Variants in C10orf105 observed in about 807,000 individuals in gnomAD.
C10orf105 encodes uncharacterized protein C10orf105.
In C10orf105, 2 loss-of-function variants were observed where a neutral mutation model predicts 0.6. The ratio of observed to expected loss-of-function variants is 3.18; its 90% CI spans 1.30 to 10.01. The LOEUF is 10.01. C10orf105 is among the 30% of genes most tolerant of loss of function. The probability of loss-of-function intolerance (pLI) is 0.04; values close to 1 mark genes in which losing one functional copy is unlikely to be tolerated. For missense variants in C10orf105, 209 were observed against 191.4 expected, an observed-to-expected ratio of 1.09 and a Z score of -0.54; for synonymous variants, 95 against 82.4, an observed-to-expected ratio of 1.15 and a Z score of -0.83.
At chr10:71,732,144 C>T (rs1244281497) in intron 1 of C10orf105, 1 of 1,613,940 alleles carries the variant, frequency 6.2e-7, no homozygotes, top group African/African-American at 1.3e-5. Context: ...AGGCCCCGCC[C>T]TTCAACCAGG....
At chr10:71,731,991 T>C in intron 1 of C10orf105, 2 of 1,613,458 alleles carry the variant, frequency 1.2e-6, no homozygotes, top group Non-Finnish European at 1.7e-6. Context: ...CTACAGGGGA[T>C]GGTGGCCTGG....
At chr10:71,723,327 G>A (rs1251589483), upstream of C10orf105, among the ~76,000 whole-genome samples, 1 of 152,146 alleles carries the variant, frequency 6.6e-6, no homozygotes, top group Non-Finnish European at 1.5e-5. Context: ...GGTCAGCTAT[G>A]GTTCTGCCAG....
upstream of C10orf105, chr10:71,724,064 A>C: frequency 6.4e-7 from 1 of 1,560,870 alleles, no homozygotes; most frequent in Non-Finnish European, 8.7e-7. Flanking sequence ...ACGGACGCAG[A>C]TGAGGGCGAG....
At chr10:71,732,176 C>T (rs771886033) in intron 1 of C10orf105, 1 of 1,613,992 alleles carries the variant, frequency 6.2e-7, no homozygotes. Context: ...GTCTACATCA[C>T]TCTGCTCAAC....
chr10:71,734,351 A>T (rs1268515564), intron 1 of C10orf105: 1 of 1,600,118 alleles, frequency 6.2e-7, no homozygotes, highest in Non-Finnish European at 8.5e-7. Flanking sequence ...GGTGAGTGGG[A>T]CCAGGGTGAG....
chr10:71,730,455 C>T lies in C10orf105; in HGVS notation c.-6+7273G>A, dbSNP rs758285115. The T allele has an allele frequency of 2.6e-5, 42 of 1,612,802 alleles. No homozygotes were observed. Among genetic ancestry groups the T allele is most frequent in the Non-Finnish European group, 3.5e-5 (41 of 1,179,646 alleles). On this transcript the variant is annotated intron_variant, in intron 1 of 1. Transcript: ENST00000398786. ...CCCCACCCTGACCTTGCACCCCTGG[C>T]CCGGCTCCCACAGGTGATTGTGTAC... is the stretch of plus-strand genomic sequence containing the variant.
intron 1 of C10orf105, 31 bp from the exon 2 acceptor site, chr10:71,716,373 G>C (rs1234404109): frequency 1.4e-6 from 2 of 1,453,286 alleles, no homozygotes; most frequent in Non-Finnish European, 1.8e-6. Flanking sequence ...AAGCTCAAAG[G>C]CAGATCAGCT....
Position 71,715,833 on chromosome 10 carries a change from G to T in C10orf105, c.*103C>A. On this transcript the variant is annotated 3_prime_UTR_variant, in exon 2 of 2. Transcript: ENST00000441508. ...GGGGGGTGAGTGTGTGTCCCAGACTGCTTGGGCCACTGTCTTCCTGCAGCC... is the reference window on the plus strand; with the variant it reads ...GGGGGGTGAGTGTGTGTCCCAGACTTCTTGGGCCACTGTCTTCCTGCAGCC... 1 of 1,199,294 alleles carries T rather than the reference G, an allele frequency of 8.3e-7. No individual in the cohort carries two copies. The highest frequency in any genetic ancestry group is 1.1e-6 in the Non-Finnish European group (1 of 886,638). 74.3% of individuals were successfully genotyped at this position (1,199,294 alleles called of 1,614,324 possible).
chr10:71,730,975 G>A (rs965384384), intron 1 of C10orf105, among the ~76,000 whole-genome samples: 3 of 152,344 alleles, frequency 2.0e-5, no homozygotes, highest in South Asian at 4.1e-4. Flanking sequence ...TGCTCCTCCA[G>A]CCCCTCCACG....
upstream of C10orf105, among the ~76,000 whole-genome samples, chr10:71,722,363 CAG>C (rs1375771202): frequency 1.3e-5 from 2 of 152,200 alleles, no homozygotes; most frequent in Non-Finnish European, 2.9e-5. Context: ...AAAAATCAAA[CAG>C]GGAGCGAGGC....
At chr10:71,721,633 C>T (rs1318537428), upstream of C10orf105, among the ~76,000 whole-genome samples, 1 of 152,212 alleles carries the variant, frequency 6.6e-6, no homozygotes, top group East Asian at 1.9e-4. Context: ...GTCCTCCTCC[C>T]CACCATCAAC....
At position 71,719,710 on chromosome 10, in the gene C10orf105, T is replaced by C. The variant is rs1470816223; in HGVS notation, c.-89A>G. ...GGGAGGCCCAAGGAGCCCTGGGCAG[T>C]GCCTGTGACCCCAGCCCTGCCAGGC... On this transcript the variant is annotated 5_prime_UTR_variant, in exon 1 of 2. Transcript: ENST00000441508. 1 of 152,386 alleles carries C rather than the reference T, an allele frequency of 6.6e-6. No individual in the cohort carries two copies. The highest frequency in any genetic ancestry group is 1.9e-4 in the East Asian group (1 of 5,194). The allele number at this position is 152,386 out of a possible 1,614,324, so 9.4% of individuals were successfully genotyped here. A position where few individuals can be genotyped will look rare whatever the true frequency, so the allele number is the denominator to read the frequency against.
intron 1 of C10orf105, among the ~76,000 whole-genome samples, chr10:71,727,207 A>G (rs1294726514): frequency 6.6e-6 from 1 of 152,258 alleles, no homozygotes; most frequent in Non-Finnish European, 1.5e-5. Flanking sequence ...AAGAGGAATT[A>G]GCCGACTTGT....
intron 1 of C10orf105, chr10:71,730,746 G>A (rs1442646470): frequency 5.6e-6 from 7 of 1,259,562 alleles, no homozygotes; most frequent in South Asian, 1.4e-5. Flanking sequence ...GGGCTGCTGG[G>A]ATGGTCTTGA....
Position 71,713,652 on chromosome 10 carries a change from G to C in C10orf105, c.*2284C>G. On this transcript the variant is annotated 3_prime_UTR_variant, in exon 2 of 2. Coordinates refer to ENST00000441508, the MANE Select transcript of C10orf105 (RefSeq NM_001164375.3). ...TGGTGGCTAGCTCCAGAAGGAGGAA[G>C]TAGAGGGTTCTCTCGATCAGGGCCT... 1.1e-5 allele frequency: 3 copies of C among 264,760 alleles called. No homozygotes were observed. In the South Asian group the frequency reaches 1.3e-4, roughly 11 times the overall value. The allele number at this position is 264,760 out of a possible 1,614,324, so 16.4% of individuals were successfully genotyped here.
upstream of C10orf105, among the ~76,000 whole-genome samples, chr10:71,721,469 G>T (rs1311409139): frequency 6.6e-6 from 1 of 152,208 alleles, no homozygotes; most frequent in African/African-American, 2.4e-5. Flanking sequence ...TGCAAGGCTG[G>T]TCATCATTGT....
Position 71,727,639 on chromosome 10 carries a change from T to G in C10orf105, c.-6+10089A>C, listed in dbSNP as rs536599794. Among the ~76,000 whole-genome samples, 34 of 151,986 alleles carry G rather than the reference T, an allele frequency of 2.2e-4. No individual in the cohort carries two copies. In the South Asian group the frequency reaches 4.0e-3, roughly 18 times the overall value. On this transcript the variant is annotated intron_variant, in intron 1 of 1. Coordinates refer to the C10orf105 transcript ENST00000398786. ...TGAGACAGTCCCCTTAGAGACTGGG[T>G]GTCTCAGGGTGTTCACGACACATAC...
At chr10:71,717,674 A>G (rs1380152918) in intron 1 of C10orf105, 1 of 152,234 alleles carries the variant, frequency 6.6e-6, no homozygotes, top group Non-Finnish European at 1.5e-5. Context: ...GGGCCCTCTC[A>G]AGGAAGTGGA....
At chr10:71,729,490 A>C (rs1475780406) in intron 1 of C10orf105, among the ~76,000 whole-genome samples, 1 of 152,150 alleles carries the variant, frequency 6.6e-6, no homozygotes, top group Non-Finnish European at 1.5e-5. Flanking sequence ...CACGCCCATC[A>C]ATCATTGGCT....
Sources: gnomAD v4.1 joint callset for allele counts (sites outside exome capture counted in the v4.1 genomes callset) on GRCh38, gnomAD v4.1.1 for gene constraint, MANE v1.5 for transcripts, NCBI Gene and HGNC (gene_info 2026-07-23, HGNC 2026-07-21) for gene names.